LAMA3: variants seen among roughly 807,000 people sequenced by gnomAD.
LAMA3 encodes laminin subunit alpha-3.
A neutral mutation model predicts 402.0 loss-of-function variants in LAMA3; 281 were observed. The ratio of observed to expected loss-of-function variants is 0.70; its 90% CI spans 0.63 to 0.77. The LOEUF is 0.77. Ranked by LOEUF, LAMA3 falls within the 30% of genes least tolerant of loss-of-function variation. The probability of loss-of-function intolerance (pLI) is 0.00; values close to 1 mark genes in which losing one functional copy is unlikely to be tolerated. For missense variants in LAMA3, 3,840 were observed against 4,215.5 expected (o/e 0.91, Z 2.47); for synonymous variants, 1,431 against 1,558.4 (o/e 0.92, Z 1.93).
chr18:23,716,660 C>G (rs1486223712), intron 2 of LAMA3, among the ~76,000 whole-genome samples: 2 of 152,010 alleles, frequency 1.3e-5, no homozygotes, highest in Admixed American at 1.3e-4. Context: ...AACATAGGAA[C>G]AGTTCAGTAC....
At chr18:23,723,972 A>T (rs1287904101) in intron 2 of LAMA3, among the ~76,000 whole-genome samples, 2 of 151,958 alleles carry the variant, frequency 1.3e-5, no homozygotes, top group Non-Finnish European at 2.9e-5. Context: ...ATTTTGGTGC[A>T]CCCGTCACCC....
rs17187297 is a variant in LAMA3 at position 23,865,527 on chromosome 18, C to T, written c.4683+644C>T. Among the ~76,000 whole-genome samples the T allele has an allele frequency of 6.9e-3, 1,046 of 152,276 alleles. 26 individuals are homozygous for T. Among genetic ancestry groups the T allele is most frequent in the East Asian group, 0.05 (258 of 5,172 alleles). On this transcript the variant is annotated intron_variant, in intron 36 of 74. Coordinates refer to ENST00000313654, the MANE Select transcript of LAMA3 (RefSeq NM_198129.4). ...CACGGGGCAAGATCATATTGTTGGACTCTGTAAAGGACAGGTGACCCCTTT... is the reference window on the plus strand; with the variant it reads ...CACGGGGCAAGATCATATTGTTGGATTCTGTAAAGGACAGGTGACCCCTTT...
At position 23,857,810 on chromosome 18, in the gene LAMA3, A is replaced by G. The variant is rs766017875; in HGVS notation, c.4137-34A>G. On this transcript the variant is annotated intron_variant, in intron 32 of 74. Transcript: ENST00000313654. ...GCACTTTAAAATTGTGTGTACAAAG[A>G]TGATGATTTTTGCTTCCTTTACTTT... is the stretch of plus-strand genomic sequence containing the variant. The G allele has an allele frequency of 6.8e-6, 11 of 1,614,024 alleles. No individual in the cohort carries two copies. The African/African-American group carries it at 1.5e-4, about 22-fold the overall frequency.
Position 23,894,366 on chromosome 18 carries a change from C to T in LAMA3, c.5461+18C>T, listed in dbSNP as rs780358931. On this transcript the variant is annotated intron_variant, in intron 43 of 74. Coordinates refer to ENST00000313654, the MANE Select transcript of LAMA3 (RefSeq NM_198129.4). Reference sequence around the variant, plus strand: ...ATGTGATGGTGAGAAAAGAAAGCCCCTCCTCCTCCTTTCCAAGTTGTGGGG... The same window carrying T: ...ATGTGATGGTGAGAAAAGAAAGCCCTTCCTCCTCCTTTCCAAGTTGTGGGG... 7 of 1,604,002 alleles carry T rather than the reference C, an allele frequency of 4.4e-6. No homozygotes were observed. In the Admixed American group the frequency reaches 1.0e-4, roughly 23 times the overall value.
chr18:23,821,457 G>T lies in LAMA3; in HGVS notation c.2305-795G>T, dbSNP rs78814705. 5.2e-4 allele frequency among the ~76,000 whole-genome samples: 79 copies of T among 152,298 alleles called. No homozygotes were observed. The East Asian group carries it at 0.013, about 24-fold the overall frequency. On this transcript the variant is annotated intron_variant, in intron 19 of 74. Coordinates refer to ENST00000313654, the MANE Select transcript of LAMA3 (RefSeq NM_198129.4). The stretch of plus-strand genomic sequence containing the variant: ...CCCTTCCTTTTAAACAAAGAAGTTG[G>T]GGGAAATGCTAAAAGAACCACTGAT...
chr18:23,832,494 A>C (rs2063506922), intron 23 of LAMA3, among the ~76,000 whole-genome samples: 1 of 152,196 alleles, frequency 6.6e-6, no homozygotes, highest in Non-Finnish European at 1.5e-5. Flanking sequence ...CATTTTAATT[A>C]AGTGTGGTAA....
rs34799994 is a variant in LAMA3, at chr18:23,847,592, G to A, written c.4060G>A (p.Glu1354Lys). ...SFSFHPMAGC[E>K]GCNCSRRGTI... ...CAGCTTCCACCCCATGGCCGGCTGC[G>A]AAGGCTGCAACTGTTCCAGGAGGGG... The change falls in exon 32 of 75, where the codon GAA becomes AAA. Residue 1354 changes from glutamate (E) to lysine (K), a missense_variant. Glu to Lys is a moderately conservative substitution (Grantham distance 56, BLOSUM62 1). Around this residue, in one of 3 missense-constraint regions of LAMA3, gnomAD observed 2,109 missense variants for 2,376.0 expected, o/e 0.89. Coordinates refer to ENST00000313654, the MANE Select transcript of LAMA3 (RefSeq NM_198129.4). The A allele has an allele frequency of 3.3e-3, 5,403 of 1,614,102 alleles. 21 individuals carry two copies. The highest frequency in any genetic ancestry group is 8.1e-3 in the Middle Eastern group (49 of 6,062).
intron 37 of LAMA3, among the ~76,000 whole-genome samples, chr18:23,869,853 G>A (rs113766463): frequency 1.3e-3 from 198 of 152,254 alleles, no homozygotes; most frequent in African/African-American, 4.3e-3. Flanking sequence ...TGGATCACGA[G>A]GTCAGGAGAT....
chr18:23,931,374 C>G (rs1463083108), intron 65 of LAMA3, 173 bp downstream of exon 65: 2 of 643,396 alleles, frequency 3.1e-6, no homozygotes, highest in Admixed American at 4.9e-5. Context: ...AAAAAATAAA[C>G]TGCCACACAT....
chr18:23,919,999 G>A (rs2081775320), intron 60 of LAMA3, among the ~76,000 whole-genome samples: 1 of 152,138 alleles, frequency 6.6e-6, no homozygotes, highest in East Asian at 1.9e-4. Flanking sequence ...AGATTATGTT[G>A]GATGGGAGAG....
chr18:23,822,189 G>C (rs1265248903), intron 19 of LAMA3, 63 bp from the exon 20 acceptor site: 1 of 1,587,506 alleles, frequency 6.3e-7, no homozygotes, highest in Non-Finnish European at 8.6e-7. Flanking sequence ...TAAAGTCACT[G>C]TTTGGCTAGC....
chr18:23,914,969 C>A, intron 58 of LAMA3, 109 bp downstream of exon 58: 1 of 924,616 alleles, frequency 1.1e-6, no homozygotes, highest in South Asian at 1.4e-5. Flanking sequence ...TTTAACCGCA[C>A]ATTCTTACAG....
intron 42 of LAMA3, among the ~76,000 whole-genome samples, chr18:23,892,522 AAATTGTCAAGGAAACAAGAC>A (rs1246946332): frequency 1.3e-5 from 2 of 152,170 alleles, no homozygotes; most frequent in African/African-American, 4.8e-5. Context: ...CTGCTGTTGA[AAATTGTCAAGGAAACAAGAC>A]CATGCTTGCT....
Position 23,928,625 on chromosome 18 carries a change from C to T in LAMA3, c.8296C>T (p.Leu2766Phe), listed in dbSNP as rs1281067755. 1.2e-6 allele frequency: 2 copies of T among 1,613,932 alleles called. No individual in the cohort carries two copies. The highest frequency in any genetic ancestry group is 1.7e-6 in the Non-Finnish European group (2 of 1,179,796). The change falls in exon 64 of 75, where the codon CTT becomes TTT. Residue 2766 changes from leucine (L) to phenylalanine (F), a missense_variant and splice_region_variant. Leu to Phe is a conservative substitution (Grantham distance 22, BLOSUM62 0). This residue lies in a region of LAMA3 where 840 missense variants were observed against 981.9 expected (regional missense o/e 0.86). Coordinates refer to ENST00000313654, the MANE Select transcript of LAMA3 (RefSeq NM_198129.4). The stretch of plus-strand genomic sequence containing the variant: ...AATTTATTCCATGTTTGCATTTCAG[C>T]TTGTGCGATCTGCCTCATTCTCCAG... ...VTKKCSEDWKLVRSASFSRGG... is the reference protein window; with the variant it reads ...VTKKCSEDWKFVRSASFSRGG...
At chr18:23,927,996 G>A in intron 62 of LAMA3, 127 bp from the exon 63 acceptor site, 1 of 768,620 alleles carries the variant, frequency 1.3e-6, no homozygotes, top group Non-Finnish European at 2.4e-6. Flanking sequence ...AATCCCATGG[G>A]AAAGGATAAA....
intron 1 of LAMA3, among the ~76,000 whole-genome samples, chr18:23,703,018 A>G (rs546690786): frequency 1.3e-5 from 2 of 152,212 alleles, no homozygotes; most frequent in Non-Finnish European, 2.9e-5. Context: ...TCCTTTTGTC[A>G]TTACTACCAT....
Position 23,953,063 on chromosome 18 carries a change from C to A in LAMA3, c.9810C>A (p.Phe3270Leu). ...DSSYTAGQIPFPPASTQEPLH... is the reference protein window; with the variant it reads ...DSSYTAGQIPLPPASTQEPLH... ...GCTACACAGCTGGACAGATCCCCTT[C>A]CCACCTGCCAGCACTCAAGAGCCAC... Residue 3270 changes from phenylalanine (F) to leucine (L), a missense_variant, in exon 74 of 75, where the codon TTC becomes TTA. By Grantham distance (22) the Phe-to-Leu change is conservative. Coordinates refer to ENST00000313654, the MANE Select transcript of LAMA3 (RefSeq NM_198129.4). 6.2e-7 allele frequency: 1 copy of A among 1,614,128 alleles called. No homozygotes were observed. The highest frequency in any genetic ancestry group is 8.5e-7 in the Non-Finnish European group (1 of 1,179,988).
At position 23,904,551 on chromosome 18, in the gene LAMA3, A is replaced by G; in HGVS notation, c.6474-2A>G. 2 of 1,588,494 alleles carry G rather than the reference A, an allele frequency of 1.3e-6. No individual in the cohort carries two copies. Among genetic ancestry groups the G allele is most frequent in the Non-Finnish European group, 1.7e-6 (2 of 1,167,284 alleles). On this transcript the variant is annotated splice_acceptor_variant, in intron 50 of 74. Coordinates refer to ENST00000313654, the MANE Select transcript of LAMA3 (RefSeq NM_198129.4). LOFTEE classifies it high-confidence loss of function. ...GAGTGGCTAACCTGCCCTGTCTTCC[A>G]GGATCAAGAGAAACGCCAGCGGGGA...
chr18:23,814,555 C>T, intron 15 of LAMA3, 53 bp downstream of exon 15: 1 of 1,196,000 alleles, frequency 8.4e-7, no homozygotes, highest in East Asian at 2.4e-5. Flanking sequence ...TCTTAATTTT[C>T]TCTGCCTCAG....
Sources: allele counts gnomAD v4.1 joint callset (sites outside exome capture counted in the v4.1 genomes callset), GRCh38; gene constraint gnomAD v4.1.1; regional missense constraint gnomAD v4.1.1; transcripts MANE v1.5; gene names NCBI Gene and HGNC (gene_info 2026-07-23, HGNC 2026-07-21).